Variants in PRUNE1 observed in about 807,000 individuals in gnomAD.
PRUNE1 encodes the protein exopolyphosphatase PRUNE1.
In PRUNE1, 25 loss-of-function variants were observed where a neutral mutation model predicts 42.5. The ratio of observed to expected loss-of-function variants is 0.59; its 90% CI spans 0.43 to 0.82. The LOEUF is 0.82. Ranked by LOEUF, PRUNE1 falls within the 40% of genes least tolerant of loss-of-function variation. The pLI is 0.00. For synonymous variants in PRUNE1, 203 were observed against 217.1 expected, an observed-to-expected ratio of 0.93 and a Z score of 0.57; for missense variants, 443 against 539.3, an observed-to-expected ratio of 0.82 and a Z score of 1.77.
chr1:151,028,984 A>G (rs1675058651), intron 7 of PRUNE1, 40 bp downstream of exon 7: 11 of 1,568,540 alleles, frequency 7.0e-6, no homozygotes, highest in Non-Finnish European at 9.6e-6. Flanking sequence ...AGCCTTACAG[A>G]GTCTGCCTGT....
At chr1:151,018,170 T>C (rs1051935695) in intron 2 of PRUNE1, among the ~76,000 whole-genome samples, 1 of 152,144 alleles carries the variant, frequency 6.6e-6, no homozygotes, top group Admixed American at 6.6e-5. Flanking sequence ...CGTATAGGTA[T>C]CAGTGATCTA....
chr1:151,023,973 G>C (rs896799917), intron 3 of PRUNE1, among the ~76,000 whole-genome samples: 1 of 151,978 alleles, frequency 6.6e-6, no homozygotes, highest in Admixed American at 6.6e-5. Flanking sequence ...ACGAGGTCAG[G>C]AGTTCGAGAC....
intron 1 of PRUNE1, 188 bp downstream of exon 1, chr1:151,008,859 A>G: frequency 2.6e-6 from 2 of 761,144 alleles, no homozygotes; most frequent in South Asian, 1.5e-5. Flanking sequence ...GGAGCGTGAG[A>G]ATGCTGCTTG....
intron 7 of PRUNE1, among the ~76,000 whole-genome samples, chr1:151,030,839 C>G (rs1675197634): frequency 6.6e-6 from 1 of 152,146 alleles, no homozygotes; most frequent in African/African-American, 2.4e-5. Flanking sequence ...CTAGGTTTGC[C>G]TCTTACTCAC....
At chr1:151,013,638 G>A (rs141556569) in intron 1 of PRUNE1, among the ~76,000 whole-genome samples, 128 of 152,252 alleles carry the variant, frequency 8.4e-4, no homozygotes, top group African/African-American at 2.9e-3. Flanking sequence ...TGCTTGCTCT[G>A]CCTTTTCTCC....
chr1:151,034,349 T>A lies in PRUNE1; in HGVS notation c.*115T>A. On this transcript the variant is annotated 3_prime_UTR_variant, in exon 8 of 8. Coordinates refer to ENST00000271620, the MANE Select transcript of PRUNE1 (RefSeq NM_021222.3). ...TTCATTGCTCCAGGATCTGGTATACTGTTCTCATAAAACTGAGAGGAGAAA... is the reference window on the plus strand; with the variant it reads ...TTCATTGCTCCAGGATCTGGTATACAGTTCTCATAAAACTGAGAGGAGAAA... 1 of 1,141,450 alleles carries A rather than the reference T, an allele frequency of 8.8e-7. No homozygotes were observed. Among genetic ancestry groups the A allele is most frequent in the East Asian group, 2.4e-5 (1 of 41,412 alleles). The allele number at this position is 1,141,450 out of a possible 1,614,324, so 70.7% of individuals were successfully genotyped here. A position where few individuals can be genotyped will look rare whatever the true frequency, so the allele number is the denominator to read the frequency against.
chr1:151,020,571 T>A (rs1328985487), intron 3 of PRUNE1, among the ~76,000 whole-genome samples: 1 of 151,934 alleles, frequency 6.6e-6, no homozygotes, highest in Non-Finnish European at 1.5e-5. Context: ...AAGACCAGCT[T>A]GGGCAAGATG....
At chr1:151,021,647 G>C (rs191531787) in intron 3 of PRUNE1, among the ~76,000 whole-genome samples, 1 of 152,044 alleles carries the variant, frequency 6.6e-6, no homozygotes, top group East Asian at 1.9e-4. Context: ...GTTATAGCAG[G>C]ATACTGACAG....
At chr1:151,027,529 G>C (rs1674930908) in intron 6 of PRUNE1, among the ~76,000 whole-genome samples, 1 of 151,468 alleles carries the variant, frequency 6.6e-6, no homozygotes, top group Admixed American at 6.6e-5. Context: ...CCCTGCCTCT[G>C]CTTTTGCAGC....
intron 7 of PRUNE1, among the ~76,000 whole-genome samples, chr1:151,029,913 A>G (rs1015727746): frequency 1.3e-5 from 2 of 151,984 alleles, no homozygotes; most frequent in African/African-American, 4.8e-5. Flanking sequence ...TATCTTTCCT[A>G]CTTCCTCCCC....
rs1242558982 is a variant in PRUNE1 at position 151,018,581 on chromosome 1, T to G, written c.247T>G (p.Leu83Val). ...GAAGGTTCATATTCCAGAGAGTATC[T>G]TGATTTTTCGGGATGAGATTGACCT... ...LQKVHIPESI[L>V]IFRDEIDLHA... The change falls in exon 3 of 8, where the codon TTG (leucine) becomes GTG (valine). Residue 83 changes from leucine to valine, a missense_variant. Physicochemically the swap from Leu to Val is conservative, Grantham distance 32 (BLOSUM62 1). Transcript: ENST00000271620. 6.2e-7 allele frequency: 1 copy of G among 1,614,064 alleles called. No homozygotes were observed. The highest frequency in any genetic ancestry group is 8.5e-7 in the Non-Finnish European group (1 of 1,180,012).
chr1:151,024,684 C>T lies in PRUNE1; in HGVS notation c.409C>T (p.Pro137Ser). ...ACCCATCGAGCCGAAACACTGCCCTCCCTGCCATGTTTCAGTTGAGCTGGT... is the reference window on the plus strand; with the variant it reads ...ACCCATCGAGCCGAAACACTGCCCTTCCTGCCATGTTTCAGTTGAGCTGGT... ...HRPIEPKHCP[P>S]CHVSVELVGS... The change falls in exon 4 of 8, where the codon CCC becomes TCC. Residue 137 changes from proline (P) to serine (S), a missense_variant. By Grantham distance (74) the Pro-to-Ser change is moderately conservative (BLOSUM62 -1). Coordinates refer to ENST00000271620, the MANE Select transcript of PRUNE1 (RefSeq NM_021222.3). 6.2e-7 allele frequency: 1 copy of T among 1,613,998 alleles called. No individual in the cohort carries two copies. The highest frequency in any genetic ancestry group is 8.5e-7 in the Non-Finnish European group (1 of 1,179,902).
chr1:151,025,158 T>TA (rs35413954), intron 4 of PRUNE1, among the ~76,000 whole-genome samples: 123,260 of 150,190 alleles, frequency 0.82, 50,658 homozygotes, highest in East Asian at 0.9. Flanking sequence ...TTTCCACTTG[T>TA]AAAAAAAAAG....
At position 151,027,143 on chromosome 1, in the gene PRUNE1, C is replaced by T. The variant is rs1011895834; in HGVS notation, c.680-90C>T. The T allele has an allele frequency of 1.3e-5, 11 of 832,140 alleles. No homozygotes were observed. In the African/African-American group the frequency reaches 1.7e-4, roughly 13 times the overall value. The allele number at this position is 832,140 out of a possible 1,614,324, so 51.5% of individuals were successfully genotyped here. A position where few individuals can be genotyped will look rare whatever the true frequency, so the allele number is the denominator to read the frequency against. ...TTGCCCCAAAGAGAGGCTGTTTTTC[C>T]TTCCTTGACCCATCTGGCTGTCCTT... is the stretch of plus-strand genomic sequence containing the variant. On this transcript the variant is annotated intron_variant, in intron 5 of 7. Coordinates refer to ENST00000271620, the MANE Select transcript of PRUNE1 (RefSeq NM_021222.3).
intron 2 of PRUNE1, 85 bp downstream of exon 2, chr1:151,017,989 G>GAA: frequency 1.2e-6 from 1 of 811,968 alleles, no homozygotes; most frequent in Non-Finnish European, 2.0e-6. Context: ...CCACTTACCA[G>GAA]CATTTAGCAT....
At chr1:151,026,603 A>T (rs6673178) in intron 5 of PRUNE1, among the ~76,000 whole-genome samples, 101,683 of 151,798 alleles carry the variant, frequency 0.67, 34,232 homozygotes, top group African/African-American at 0.68. Context: ...TTTGTGAGTA[A>T]ACAAAAGATG....
chr1:151,020,758 G>T (rs1674369192), intron 3 of PRUNE1, among the ~76,000 whole-genome samples: 1 of 151,686 alleles, frequency 6.6e-6, no homozygotes, highest in Admixed American at 6.6e-5. Flanking sequence ...GAGGGGGGCG[G>T]ATCATGAGGT....
intron 5 of PRUNE1, 78 bp from the exon 6 acceptor site, chr1:151,027,155 A>G (rs1674897027): frequency 1.0e-6 from 1 of 986,162 alleles, no homozygotes; most frequent in Non-Finnish European, 1.6e-6. Flanking sequence ...TCCTTGACCC[A>G]TCTGGCTGTC....
chr1:151,023,267 T>G lies in PRUNE1; in HGVS notation c.336-1344T>G, dbSNP rs992523278. Reference sequence around the variant, plus strand: ...GGGCTCTTGGTTGGAAGCAGGTGATTGGTTAAGAGACTACTGGAATAGTCC... The same window carrying G: ...GGGCTCTTGGTTGGAAGCAGGTGATGGGTTAAGAGACTACTGGAATAGTCC... On this transcript the variant is annotated intron_variant, in intron 3 of 7. Coordinates refer to ENST00000271620, the MANE Select transcript of PRUNE1 (RefSeq NM_021222.3). 3.9e-5 allele frequency among the ~76,000 whole-genome samples: 6 copies of G among 152,284 alleles called. No homozygotes were observed. The Middle Eastern group carries it at 0.01, about 259-fold the overall frequency.
Sources: gnomAD v4.1 joint callset for allele counts (sites outside exome capture counted in the v4.1 genomes callset) on GRCh38, gnomAD v4.1.1 for gene constraint, MANE v1.5 for transcripts, NCBI Gene and HGNC (gene_info 2026-07-23, HGNC 2026-07-21) for gene names.